SBF2: variants seen among roughly 807,000 people sequenced by gnomAD.
The protein encoded by SBF2 is SET binding factor 2.
Under a neutral mutation model 225.2 loss-of-function variants are expected in SBF2, and 112 were observed. That is an observed-to-expected ratio of 0.50 (90% CI 0.43 to 0.58). The LOEUF is 0.58. SBF2 is among the 20% of genes least tolerant of loss of function. SBF2 has a pLI of 0.00. For missense variants in SBF2, 1,996 were observed against 2,206.2 expected, an observed-to-expected ratio of 0.90 and a Z score of 1.91; for synonymous variants, 763 against 773.3, an observed-to-expected ratio of 0.99 and a Z score of 0.22.
At chr11:10,086,701 C>T (rs1205347813) in intron 2 of SBF2, among the ~76,000 whole-genome samples, 1 of 152,108 alleles carries the variant, frequency 6.6e-6, no homozygotes, top group Non-Finnish European at 1.5e-5. Context: ...TTGTTGAGGA[C>T]ACTGCAGAGA....
intron 1 of SBF2, among the ~76,000 whole-genome samples, chr11:10,292,633 C>T (rs1303044435): frequency 7.0e-6 from 1 of 142,872 alleles, no homozygotes; most frequent in Non-Finnish European, 1.5e-5. Context: ...GAGCCAAGAT[C>T]GCACCACTGC....
At chr11:9,978,769 G>GTGGA (rs1347470841) in intron 13 of SBF2, among the ~76,000 whole-genome samples, 1 of 152,146 alleles carries the variant, frequency 6.6e-6, no homozygotes, top group African/African-American at 2.4e-5. Flanking sequence ...GCCGAGGCGA[G>GTGGA]TGGATCCCTT....
chr11:9,823,596 G>A (rs984108068), intron 28 of SBF2, among the ~76,000 whole-genome samples: 6 of 152,104 alleles, frequency 3.9e-5, no homozygotes, highest in Non-Finnish European at 8.8e-5. Flanking sequence ...ACTCTGTACT[G>A]TGAGTCGGTA....
chr11:9,848,778 T>G (rs1176016335), intron 22 of SBF2, among the ~76,000 whole-genome samples: 2 of 152,264 alleles, frequency 1.3e-5, no homozygotes, highest in East Asian at 3.8e-4. Flanking sequence ...TCCTTTTCAC[T>G]TTTTCAAAAT....
intron 17 of SBF2, among the ~76,000 whole-genome samples, chr11:9,879,163 A>C (rs1859533197): frequency 6.6e-6 from 1 of 152,238 alleles, no homozygotes; most frequent in Non-Finnish European, 1.5e-5. Flanking sequence ...AATCCCCATC[A>C]AATCTATGAC....
intron 16 of SBF2, among the ~76,000 whole-genome samples, chr11:9,937,145 G>A (rs917307982): frequency 1.1e-4 from 17 of 152,090 alleles, no homozygotes; most frequent in African/African-American, 3.6e-4. Context: ...CAGAATTTAA[G>A]GACAAAAGCT....
chr11:10,039,436 G>A (rs1205650448), intron 3 of SBF2, among the ~76,000 whole-genome samples: 1 of 151,452 alleles, frequency 6.6e-6, no homozygotes, highest in Non-Finnish European at 1.5e-5. Flanking sequence ...CAGAAAAGTG[G>A]TCTTACAATT....
At chr11:9,802,814 CCT>C (rs1052834075) in intron 32 of SBF2, among the ~76,000 whole-genome samples, 9 of 152,148 alleles carry the variant, frequency 5.9e-5, no homozygotes, top group African/African-American at 1.7e-4. Flanking sequence ...TTCTTAGATT[CCT>C]CTGTTTTTGA....
chr11:10,080,039 G>C (rs960549913), intron 2 of SBF2, among the ~76,000 whole-genome samples: 1 of 151,982 alleles, frequency 6.6e-6, no homozygotes, highest in African/African-American at 2.4e-5. Context: ...CCTGAGGTCA[G>C]GAGTTTGAGA....
At chr11:10,231,325 G>A (rs978785845) in intron 1 of SBF2, among the ~76,000 whole-genome samples, 13 of 152,132 alleles carry the variant, frequency 8.5e-5, no homozygotes, top group Non-Finnish European at 1.0e-4. Context: ...GTCATTCTCC[G>A]TCCAGCTGTG....
At chr11:10,065,441 C>T (rs765576253) in intron 2 of SBF2, among the ~76,000 whole-genome samples, 195 of 151,828 alleles carry the variant, frequency 1.3e-3, no homozygotes, top group Middle Eastern at 6.8e-3. Context: ...AAAGTAGACA[C>T]AGTAATAAAA....
intron 33 of SBF2, 111 bp from the exon 34 acceptor site, chr11:9,790,794 A>T: frequency 1.2e-6 from 1 of 810,042 alleles, no homozygotes; most frequent in South Asian, 1.6e-5. Context: ...ATGGCTTTAA[A>T]AACAGCAACA....
intron 6 of SBF2, among the ~76,000 whole-genome samples, chr11:10,003,378 T>TC (rs1442730499): frequency 1.3e-5 from 2 of 151,606 alleles, no homozygotes; most frequent in East Asian, 3.9e-4. Flanking sequence ...TTTTCTTTTT[T>TC]TTTTTTTGAG....
intron 28 of SBF2, among the ~76,000 whole-genome samples, chr11:9,826,735 GTGTGTGTGTGTGTGTA>G (rs1400076995): frequency 1.3e-5 from 1 of 78,764 alleles, no homozygotes; most frequent in Non-Finnish European, 2.4e-5. Flanking sequence ...ATATATATGT[GTGTGTGTGTGTGTGTA>G]TGTGTGTGTG....
intron 16 of SBF2, among the ~76,000 whole-genome samples, chr11:9,896,452 T>A (rs1271132246): frequency 6.6e-6 from 1 of 152,214 alleles, no homozygotes; most frequent in African/African-American, 2.4e-5. Context: ...GATCATCTTA[T>A]AATTGACTGG....
chr11:10,159,366 G>A (rs1304469601), intron 2 of SBF2, among the ~76,000 whole-genome samples: 3 of 152,184 alleles, frequency 2.0e-5, no homozygotes, highest in Admixed American at 6.5e-5. Flanking sequence ...CATACAGCTG[G>A]AAGCTACAAG....
Position 9,789,163 on chromosome 11 carries a change from TG to T in SBF2, c.4877del (p.Pro1626HisfsTer28), listed in dbSNP as rs1852575488. 6.2e-7 allele frequency: 1 copy of T among 1,614,034 alleles called. No homozygotes were observed. The highest frequency in any genetic ancestry group is 1.7e-5 in the Admixed American group (1 of 59,998). Reference sequence around the variant, plus strand: ...GAGTACAGCTGACATCATCATAGCATGGCCACACTGTTCTCCTCTGGCTCCG... The same window carrying T: ...GAGTACAGCTGACATCATCATAGCATGCCACACTGTTCTCCTCTGGCTCCG... The part of the protein sequence containing the change: ...GPRSQRRTVW[P>X]CYDDVSCTQP... On this transcript the variant is annotated frameshift_variant, in exon 35 of 40. Coordinates refer to ENST00000256190, the MANE Select transcript of SBF2 (RefSeq NM_030962.4). LOFTEE classifies it high-confidence loss of function.
intron 17 of SBF2, among the ~76,000 whole-genome samples, chr11:9,867,135 G>C (rs2134034830): frequency 6.6e-6 from 1 of 152,248 alleles, no homozygotes; most frequent in East Asian, 1.9e-4. Context: ...TATATAATTG[G>C]ATTGTTTGTA....
At chr11:10,122,503 T>C (rs1046367807) in intron 2 of SBF2, among the ~76,000 whole-genome samples, 7 of 152,188 alleles carry the variant, frequency 4.6e-5, no homozygotes, top group African/African-American at 1.7e-4. Context: ...TTCCAACATC[T>C]CACTTGTTCA....
Sources: allele counts gnomAD v4.1 joint callset (sites outside exome capture counted in the v4.1 genomes callset), GRCh38; gene constraint gnomAD v4.1.1; transcripts MANE v1.5; gene names NCBI Gene and HGNC (gene_info 2026-07-23, HGNC 2026-07-21).